FBXO15: variants seen among roughly 807,000 people sequenced by gnomAD.
FBXO15 encodes the protein F-box protein 15.
Under a neutral mutation model 49.5 loss-of-function variants are expected in FBXO15, and 30 were observed. That is an observed-to-expected ratio of 0.61 (90% CI 0.45 to 0.82). FBXO15 has a LOEUF of 0.82. Among genes scored for constraint, FBXO15 ranks in the 40% least tolerant of loss-of-function variants. FBXO15 has a pLI of 0.00. For missense variants in FBXO15, 591 were observed against 631.5 expected, an observed-to-expected ratio of 0.94 and a Z score of 0.69; for synonymous variants, 250 against 232.7, an observed-to-expected ratio of 1.07 and a Z score of -0.68.
chr18:74,073,403 A>G lies in FBXO15; in HGVS notation c.*58T>C, dbSNP rs886732696. 5.8e-6 allele frequency: 9 copies of G among 1,555,900 alleles called. No homozygotes were observed. Among genetic ancestry groups the G allele is most frequent in the African/African-American group, 4.1e-5 (3 of 73,158 alleles). ...TGCTTTATTTTAATTTTCAACACCA[A>G]GAACAAAGCCAGTCAAAAATAAACA... On this transcript the variant is annotated 3_prime_UTR_variant, in exon 10 of 10. Transcript: ENST00000419743.
intron 9 of FBXO15, among the ~76,000 whole-genome samples, chr18:74,076,783 G>C (rs932849805): frequency 6.6e-6 from 1 of 152,098 alleles, no homozygotes; most frequent in East Asian, 1.9e-4. Context: ...ATTAAGGCCT[G>C]ACCTGGCCTC....
chr18:74,073,415 G>A lies in FBXO15; in HGVS notation c.*46C>T. The A allele has an allele frequency of 6.3e-7, 1 of 1,580,552 alleles. No individual in the cohort carries two copies. The highest frequency in any genetic ancestry group is 1.4e-5 in the African/African-American group (1 of 74,058). ...ATTTTCAACACCAAGAACAAAGCCAGTCAAAAATAAACAACTAAATAACAA... is the reference window on the plus strand; with the variant it reads ...ATTTTCAACACCAAGAACAAAGCCAATCAAAAATAAACAACTAAATAACAA... On this transcript the variant is annotated 3_prime_UTR_variant, in exon 10 of 10. Coordinates refer to ENST00000419743, the MANE Select transcript of FBXO15 (RefSeq NM_001142958.2).
chr18:74,130,540 C>T lies in FBXO15; in HGVS notation c.451G>A (p.Ala151Thr). 1 of 1,614,122 alleles carries T rather than the reference C, an allele frequency of 6.2e-7. No homozygotes were observed. The highest frequency in any genetic ancestry group is 1.1e-5 in the South Asian group (1 of 91,078). Residue 151 changes from alanine to threonine, a missense_variant, in exon 4 of 10, where the codon GCT becomes ACT. Physicochemically the swap from Ala to Thr is moderately conservative, Grantham distance 58. Coordinates refer to ENST00000419743, the MANE Select transcript of FBXO15 (RefSeq NM_001142958.2). ...ATATATTCTTTCTTCCAATAACCAG[C>T]TTCTTTATCCTGAACTGACAGAAAG... ...MSFLSVQDKE[A>T]GYWKKEYITK...
intron 8 of FBXO15, among the ~76,000 whole-genome samples, chr18:74,111,586 A>C (rs533994804): frequency 2.0e-5 from 3 of 152,246 alleles, no homozygotes; most frequent in Non-Finnish European, 4.4e-5. Context: ...AAAAGAAGAA[A>C]GATCTGAAAT....
chr18:74,113,024 T>C (rs1262969689), intron 8 of FBXO15, among the ~76,000 whole-genome samples: 3 of 152,246 alleles, frequency 2.0e-5, no homozygotes, highest in Admixed American at 6.5e-5. Context: ...AGCAGCTTTA[T>C]GCATAATTGC....
chr18:74,133,054 C>CA (rs1978495970), intron 3 of FBXO15, among the ~76,000 whole-genome samples: 1 of 152,198 alleles, frequency 6.6e-6, no homozygotes, highest in Non-Finnish European at 1.5e-5. Flanking sequence ...GTAAACTTTT[C>CA]AAAAACACAT....
At chr18:74,138,038 G>T (rs543157869) in intron 2 of FBXO15, among the ~76,000 whole-genome samples, 1 of 152,052 alleles carries the variant, frequency 6.6e-6, no homozygotes, top group South Asian at 2.1e-4. Flanking sequence ...CTCAGCCTCC[G>T]GTTCCTGCCT....
chr18:74,123,232 C>T, intron 8 of FBXO15, 136 bp downstream of exon 8: 1 of 911,100 alleles, frequency 1.1e-6, no homozygotes, highest in Non-Finnish European at 1.7e-6. Flanking sequence ...TGGGATGACA[C>T]ACGGGTCTGG....
chr18:74,133,257 T>C (rs1402213844), intron 3 of FBXO15, among the ~76,000 whole-genome samples: 1 of 152,134 alleles, frequency 6.6e-6, no homozygotes, highest in African/African-American at 2.4e-5. Flanking sequence ...CAGTAGCTCA[T>C]ATTTCCAAAC....
chr18:74,103,684 G>A (rs1913622556), intron 8 of FBXO15, among the ~76,000 whole-genome samples: 1 of 152,042 alleles, frequency 6.6e-6, no homozygotes. Context: ...TTTCTCAATA[G>A]AAACCATACA....
intron 5 of FBXO15, among the ~76,000 whole-genome samples, chr18:74,128,693 A>G (rs1978302448): frequency 6.6e-6 from 1 of 152,236 alleles, no homozygotes; most frequent in Non-Finnish European, 1.5e-5. Context: ...GAAGCAATCA[A>G]TGATGAAAAA....
intron 1 of FBXO15, chr18:74,147,445 A>G: frequency 8.5e-7 from 1 of 1,177,254 alleles, no homozygotes; most frequent in Non-Finnish European, 1.1e-6. Context: ...GCCGCAAGAA[A>G]AAATATTTCC....
At chr18:74,130,243 A>G (rs1978322536) in intron 4 of FBXO15, among the ~76,000 whole-genome samples, 173 bp downstream of exon 4, 1 of 152,212 alleles carries the variant, frequency 6.6e-6, no homozygotes, top group Non-Finnish European at 1.5e-5. Context: ...CAGTTGGTTG[A>G]ATCAGCAGAT....
intron 2 of FBXO15, among the ~76,000 whole-genome samples, chr18:74,139,447 T>A (rs545935840): frequency 2.7e-4 from 41 of 152,380 alleles, no homozygotes; most frequent in Admixed American, 2.0e-3. Flanking sequence ...CTGAAATTAA[T>A]GTCCTTAATG....
chr18:74,125,853 A>G, intron 6 of FBXO15, 122 bp downstream of exon 6: 1 of 1,359,632 alleles, frequency 7.4e-7, no homozygotes, highest in Non-Finnish European at 1.0e-6. Flanking sequence ...GTGAGATGGT[A>G]AAATGGATTG....
At chr18:74,083,715 G>A (rs1170196062) in intron 8 of FBXO15, among the ~76,000 whole-genome samples, 1 of 152,190 alleles carries the variant, frequency 6.6e-6, no homozygotes, top group African/African-American at 2.4e-5. Flanking sequence ...TAACACTGTG[G>A]TGTCTCCAAA....
At chr18:74,082,398 G>A (rs919193275) in intron 8 of FBXO15, among the ~76,000 whole-genome samples, 8 of 152,240 alleles carry the variant, frequency 5.3e-5, no homozygotes, top group African/African-American at 1.9e-4. Context: ...GTTGGAAACC[G>A]ATATCTAGAA....
chr18:74,138,729 G>A (rs534636247), intron 2 of FBXO15, among the ~76,000 whole-genome samples: 3 of 151,982 alleles, frequency 2.0e-5, no homozygotes, highest in Non-Finnish European at 2.9e-5. Context: ...CCTCTCTTCC[G>A]CCCTGACCCC....
rs914793278 is a variant in FBXO15 at position 74,124,366 on chromosome 18, T to C, written c.995+123A>G. 92 of 745,268 alleles carry C rather than the reference T, an allele frequency of 1.2e-4. 1 individual carries two copies. Among genetic ancestry groups the C allele is most frequent in the Non-Finnish European group, 2.0e-4 (90 of 448,890 alleles). The allele number at this position is 745,268 out of a possible 1,614,324, so 46.2% of individuals were successfully genotyped here. ...CGACAGCTAATTGTGCCTGTTGGTT[T>C]GTGTTTACTGATTAAAAACAGAATA... is the stretch of plus-strand genomic sequence containing the variant. On this transcript the variant is annotated intron_variant, in intron 7 of 9. Transcript: ENST00000419743.
Sources: allele counts gnomAD v4.1 joint callset (sites outside exome capture counted in the v4.1 genomes callset), GRCh38; gene constraint gnomAD v4.1.1; transcripts MANE v1.5; gene names NCBI Gene and HGNC (gene_info 2026-07-23, HGNC 2026-07-21).